SLC25A37: variants seen among roughly 807,000 people sequenced by gnomAD.
The protein encoded by SLC25A37 is solute carrier family 25 member 37.
In SLC25A37, 17 loss-of-function variants were observed where a neutral mutation model predicts 31.0. The ratio of observed to expected loss-of-function variants is 0.55; its 90% confidence interval spans 0.38 to 0.82. The LOEUF (loss-of-function observed/expected upper bound fraction) is 0.82, where lower values mean the gene tolerates loss of function less well. Ranked by LOEUF, SLC25A37 falls within the 40% of genes least tolerant of loss-of-function variation. SLC25A37 has a pLI of 0.00. For missense variants in SLC25A37, 404 were observed against 465.8 expected (o/e 0.87, Z 1.22); for synonymous variants, 222 against 193.0 (o/e 1.15, Z -1.24).
At chr8:23,530,094 G>C (rs1450130979) in intron 1 of SLC25A37, among the ~76,000 whole-genome samples, 1 of 152,174 alleles carries the variant, frequency 6.6e-6, no homozygotes, top group Non-Finnish European at 1.5e-5. Context: ...CCCAGGGCCA[G>C]GATAGAGTAG....
Position 23,566,129 on chromosome 8 carries a change from C to A in SLC25A37, c.232C>A (p.Pro78Thr). 6.3e-7 allele frequency: 1 copy of A among 1,594,746 alleles called. No homozygotes were observed. The highest frequency in any genetic ancestry group is 1.2e-5 in the South Asian group (1 of 86,556). Residue 78 changes from proline to threonine, a missense_variant, in exon 2 of 4, where the codon CCA becomes ACA. By Grantham distance (38) the Pro-to-Thr change is conservative (BLOSUM62 -1). Coordinates refer to ENST00000519973, the MANE Select transcript of SLC25A37 (RefSeq NM_016612.4). ...SVKTRMQSLS[P>T]DPKAQYTSIY... Reference sequence around the variant, plus strand: ...CCAGACACGAATGCAGAGTTTGAGTCCAGATCCCAAAGCCCAGTACACAAG... The same window carrying A: ...CCAGACACGAATGCAGAGTTTGAGTACAGATCCCAAAGCCCAGTACACAAG...
At chr8:23,553,455 A>G (rs1802281836) in intron 1 of SLC25A37, among the ~76,000 whole-genome samples, 1 of 151,964 alleles carries the variant, frequency 6.6e-6, no homozygotes, top group Non-Finnish European at 1.5e-5. Context: ...AAAAAAAACC[A>G]ACAATTTTGA....
chr8:23,557,292 G>A (rs1489880894), intron 1 of SLC25A37, among the ~76,000 whole-genome samples: 1 of 152,116 alleles, frequency 6.6e-6, no homozygotes, highest in East Asian at 1.9e-4. Context: ...GACGGGGAAC[G>A]GGTGGTTTTG....
intron 1 of SLC25A37, among the ~76,000 whole-genome samples, chr8:23,558,024 C>T (rs915622501): frequency 6.6e-6 from 1 of 152,196 alleles, no homozygotes; most frequent in African/African-American, 2.4e-5. Context: ...TGTTTGTTTC[C>T]TGTTTGTATC....
chr8:23,566,027 C>T (rs1802642264), intron 1 of SLC25A37, 81 bp from the exon 2 acceptor site: 1 of 1,475,724 alleles, frequency 6.8e-7, no homozygotes, highest in East Asian at 2.6e-5. Context: ...TTCTCTCTCT[C>T]CTTCTCCAGG....
At chr8:23,546,130 T>C (rs1396091718) in intron 1 of SLC25A37, among the ~76,000 whole-genome samples, 2 of 139,388 alleles carry the variant, frequency 1.4e-5, no homozygotes, top group African/African-American at 5.7e-5. Flanking sequence ...AGCAAGACTC[T>C]GTCTCAAGAA....
chr8:23,551,624 A>C (rs1419302889), intron 1 of SLC25A37, among the ~76,000 whole-genome samples: 1 of 151,708 alleles, frequency 6.6e-6, no homozygotes, highest in African/African-American at 2.4e-5. Flanking sequence ...GCAGCTGTCC[A>C]CCAGACCCCA....
intron 1 of SLC25A37, among the ~76,000 whole-genome samples, chr8:23,534,254 C>G (rs1233580046): frequency 1.3e-5 from 2 of 152,118 alleles, no homozygotes; most frequent in Non-Finnish European, 2.9e-5. Context: ...TGCCCAGCCT[C>G]TTTCTTTTTG....
intron 1 of SLC25A37, among the ~76,000 whole-genome samples, chr8:23,542,447 C>T (rs370320586): frequency 4.1e-5 from 6 of 144,732 alleles, no homozygotes; most frequent in South Asian, 2.2e-4. Context: ...GGCGCGATCT[C>T]GGCTTACTGC....
chr8:23,566,105 C>G lies in SLC25A37; in HGVS notation c.211-3C>G, dbSNP rs1802645378. The stretch of plus-strand genomic sequence containing the variant: ...TTTGTTTTCTCTTCTTGCCCGCTCC[C>G]AGACACGAATGCAGAGTTTGAGTCC... On this transcript the variant is annotated splice_polypyrimidine_tract_variant and splice_region_variant and intron_variant, in intron 1 of 3. Coordinates refer to ENST00000519973, the MANE Select transcript of SLC25A37 (RefSeq NM_016612.4). 4 of 1,575,616 alleles carry G rather than the reference C, an allele frequency of 2.5e-6. No individual in the cohort carries two copies. The East Asian group carries it at 9.3e-5, about 37-fold the overall frequency.
rs540950017 is a variant in SLC25A37 at position 23,572,203 on chromosome 8, T to TAAAAAAAAAAAAAA, written c.*380_*393dup. The stretch of plus-strand genomic sequence containing the variant: ...GAAAATTTGCAGTGACTGAAAACAG[T>TAAAAAAAAAAAAAA]AAAAAAAAAAAAAAAAAAAAAAAAA... On this transcript the variant is annotated 3_prime_UTR_variant, in exon 4 of 4. Coordinates refer to ENST00000519973, the MANE Select transcript of SLC25A37 (RefSeq NM_016612.4). 5.8e-5 allele frequency: 5 copies of TAAAAAAAAAAAAAA among 85,784 alleles called. No homozygotes were observed. The highest frequency in any genetic ancestry group is 1.3e-4 in the African/African-American group (2 of 15,292). The allele number at this position is 85,784 out of a possible 1,614,324, so 5.3% of individuals were successfully genotyped here.
chr8:23,568,211 A>G (rs1802719009), intron 2 of SLC25A37, 111 bp from the exon 3 acceptor site: 3 of 1,086,754 alleles, frequency 2.8e-6, no homozygotes, highest in Admixed American at 1.7e-5. Flanking sequence ...AGCTGGTAGT[A>G]CATTTTGCTT....
intron 1 of SLC25A37, chr8:23,531,965 A>G (rs1200080163): frequency 6.6e-6 from 1 of 152,250 alleles, no homozygotes. Context: ...TGTGCCTGGC[A>G]TGCAGTGGGA....
intron 1 of SLC25A37, among the ~76,000 whole-genome samples, chr8:23,558,521 C>T (rs2978487): frequency 0.33 from 50,572 of 152,074 alleles, 8,631 homozygotes; most frequent in Non-Finnish European, 0.35. Context: ...GCATTTTCCA[C>T]TCTCCCTCCT....
chr8:23,568,129 T>G (rs1253438095), intron 2 of SLC25A37, 193 bp from the exon 3 acceptor site: 1 of 683,254 alleles, frequency 1.5e-6, no homozygotes, highest in Non-Finnish European at 2.7e-6. Flanking sequence ...TGTGCCTAAA[T>G]TAACCATCCC....
At chr8:23,566,726 A>C in intron 2 of SLC25A37, 1 of 1,003,996 alleles carries the variant, frequency 1.0e-6, no homozygotes, top group Non-Finnish European at 1.2e-6. Flanking sequence ...AAAAAAAAAA[A>C]AAAGTTATCT....
intron 1 of SLC25A37, among the ~76,000 whole-genome samples, chr8:23,559,154 C>T (rs1199634066): frequency 2.0e-5 from 3 of 152,232 alleles, no homozygotes; most frequent in Non-Finnish European, 4.4e-5. Flanking sequence ...AAACAGGTTT[C>T]TTTCCGGAAG....
intron 1 of SLC25A37, among the ~76,000 whole-genome samples, chr8:23,536,938 G>A (rs1801780776): frequency 2.6e-5 from 4 of 152,208 alleles, no homozygotes; most frequent in Admixed American, 1.3e-4. Flanking sequence ...GCTCACGCCT[G>A]TAATCCCAAT....
At position 23,566,151 on chromosome 8, in the gene SLC25A37, C is replaced by A. The variant is rs888313779; in HGVS notation, c.254C>A (p.Thr85Lys). Residue 85 changes from threonine to lysine, a missense_variant, in exon 2 of 4, where the codon ACA (threonine) becomes AAA (lysine). Thr to Lys is a moderately conservative substitution (Grantham distance 78). Coordinates refer to ENST00000519973, the MANE Select transcript of SLC25A37 (RefSeq NM_016612.4). ...AGTCCAGATCCCAAAGCCCAGTACA[C>A]AAGTATCTACGGAGCCCTCAAGAAA... Reference protein sequence around the residue: ...SLSPDPKAQYTSIYGALKKIM... With the variant: ...SLSPDPKAQYKSIYGALKKIM... 1 of 1,603,730 alleles carries A rather than the reference C, an allele frequency of 6.2e-7. No individual in the cohort carries two copies. Among genetic ancestry groups the A allele is most frequent in the Non-Finnish European group, 8.5e-7 (1 of 1,176,808 alleles).
Sources: gnomAD v4.1 joint callset for allele counts (sites outside exome capture counted in the v4.1 genomes callset) on GRCh38, gnomAD v4.1.1 for gene constraint, MANE v1.5 for transcripts, NCBI Gene and HGNC (gene_info 2026-07-23, HGNC 2026-07-21) for gene names.